DMD: variants seen among roughly 807,000 people sequenced by gnomAD.
DMD encodes the protein dystrophin.
A neutral mutation model predicts 330.1 loss-of-function variants in DMD; 63 were observed. The observed-to-expected ratio is 0.19, with a 90% CI of 0.16 to 0.24. The LOEUF (loss-of-function observed/expected upper bound fraction) is 0.24, where lower values mean the gene tolerates loss of function less well. DMD is among the 10% of genes least tolerant of loss of function. The pLI, the probability that DMD is intolerant of heterozygous loss-of-function variation, is 1.00. For synonymous variants in DMD, 1,223 were observed against 959.8 expected, an observed-to-expected ratio of 1.27 and a Z score of -5.07; for missense variants, 3,344 against 2,684.1, an observed-to-expected ratio of 1.25 and a Z score of -5.43.
chrX:33,154,820 C>T (rs1225803328), intron 1 of DMD, among the ~76,000 whole-genome samples: 2 of 111,953 alleles, frequency 1.8e-5, no homozygotes, highest in Non-Finnish European at 3.8e-5. Flanking sequence ...ATCCAATTGT[C>T]ATTTCTAAGA....
chrX:33,303,729 G>T (rs1431864271), intron 1 of DMD, among the ~76,000 whole-genome samples: 1 of 111,262 alleles, frequency 9.0e-6, no homozygotes, highest in African/African-American at 3.3e-5. Flanking sequence ...CCTTGCTGCC[G>T]CCATGTGATG....
chrX:33,160,736 G>A (rs2048730855), intron 1 of DMD, among the ~76,000 whole-genome samples: 2 of 111,483 alleles, frequency 1.8e-5, no homozygotes, highest in Non-Finnish European at 3.8e-5. Context: ...AAAGGGTGTT[G>A]AGTAGATATC....
intron 7 of DMD, among the ~76,000 whole-genome samples, chrX:32,766,082 G>A (rs1031955664): frequency 3.6e-5 from 4 of 111,254 alleles, no homozygotes; most frequent in African/African-American, 9.8e-5. Flanking sequence ...CAATACCACA[G>A]TGTTTTGATT....
rs1366319432 is a variant in DMD at position 32,245,176 on chromosome X, A to AT, written c.6291-28114dup. Among the ~76,000 whole-genome samples, 7 of 96,916 alleles carry AT rather than the reference A, an allele frequency of 7.2e-5. 1 individual carries two copies. The highest frequency in any genetic ancestry group is 1.4e-4 in the Non-Finnish European group (7 of 49,734). 84.2% of individuals were successfully genotyped at this position (96,916 alleles called of 115,157 possible). On this transcript the variant is annotated intron_variant, in intron 43 of 78. Coordinates refer to ENST00000357033, the MANE Select transcript of DMD (RefSeq NM_004006.3). ...AAGGGATCCAGTTTCAGCTTTCTACATATGGCTAGCCAGTCTTCCCAGCAC... is the reference window on the plus strand; with the variant it reads ...AAGGGATCCAGTTTCAGCTTTCTACATTATGGCTAGCCAGTCTTCCCAGCAC...
Position 31,627,405 on chromosome X carries a change from T to A in DMD, c.8217+268A>T, listed in dbSNP as rs187440299. 2.2e-4 allele frequency among the ~76,000 whole-genome samples: 25 copies of A among 112,451 alleles called. No individual in the cohort carries two copies. The East Asian group carries it at 6.7e-3, about 30-fold the overall frequency. On this transcript the variant is annotated intron_variant, in intron 55 of 78. Transcript: ENST00000357033. ...CCCTAAGTTATTTCTCTGAGCAAAG[T>A]TTCTCCTTGACCGAAGCTCTGGTTT...
intron 55 of DMD, among the ~76,000 whole-genome samples, chrX:31,620,411 A>G (rs767989164): frequency 2.3e-3 from 247 of 105,994 alleles, no homozygotes; most frequent in Non-Finnish European, 3.8e-3. Context: ...TTTCCATGAC[A>G]TAATTTTTTT....
chrX:32,614,767 T>A (rs1602172414), intron 11 of DMD, among the ~76,000 whole-genome samples: 2 of 111,585 alleles, frequency 1.8e-5, no homozygotes, highest in African/African-American at 3.2e-5. Context: ...GTTTACATTC[T>A]CATTATTTAG....
intron 9 of DMD, among the ~76,000 whole-genome samples, chrX:32,678,381 C>A (rs1016048601): frequency 1.3e-4 from 14 of 111,474 alleles, no homozygotes; most frequent in Non-Finnish European, 3.8e-5. Flanking sequence ...CTAAAATATC[C>A]AAATAGACAA....
intron 9 of DMD, among the ~76,000 whole-genome samples, chrX:32,657,694 G>A (rs1166950022): frequency 8.9e-6 from 1 of 112,144 alleles, no homozygotes; most frequent in Non-Finnish European, 1.9e-5. Context: ...ATTCATATGA[G>A]TTGGTAATTG....
At chrX:32,083,313 C>T (rs1017258323) in intron 44 of DMD, among the ~76,000 whole-genome samples, 12 of 107,915 alleles carry the variant, frequency 1.1e-4, no homozygotes, top group African/African-American at 1.7e-4. Context: ...CTGGCTCTGT[C>T]GCCCAGGCTG....
intron 44 of DMD, among the ~76,000 whole-genome samples, chrX:32,047,190 T>A (rs1468434703): frequency 1.8e-5 from 2 of 111,676 alleles, no homozygotes; most frequent in Non-Finnish European, 3.8e-5. Flanking sequence ...AAATACTTCT[T>A]ATTTTAATAT....
chrX:31,444,323 A>C (rs1231123678), intron 60 of DMD, among the ~76,000 whole-genome samples, 158 bp downstream of exon 60: 1 of 112,004 alleles, frequency 8.9e-6, no homozygotes, highest in Non-Finnish European at 1.9e-5. Flanking sequence ...TAATTTGAAA[A>C]TGTTTAGATG....
chrX:32,804,412 C>T (rs942652261), intron 7 of DMD, among the ~76,000 whole-genome samples: 8 of 112,606 alleles, frequency 7.1e-5, no homozygotes, highest in African/African-American at 2.6e-4. Context: ...TGTAGCCAGA[C>T]TGCCTCTCTA....
chrX:31,362,433 G>A (rs751435082), intron 60 of DMD, among the ~76,000 whole-genome samples: 12 of 112,151 alleles, frequency 1.1e-4, no homozygotes, highest in Non-Finnish European at 2.1e-4. Context: ...CAGGGTATGT[G>A]TATAAGGTAT....
Position 32,364,666 on chromosome X carries a change from G to A in DMD, c.5070C>T (p.His1690=), listed in dbSNP as rs780080912. The A allele has an allele frequency of 8.3e-7, 1 of 1,207,478 alleles. No homozygotes were observed. The highest frequency in any genetic ancestry group is 3.0e-5 in the East Asian group (1 of 33,658). Residue 1690 remains histidine, a synonymous_variant, in exon 36 of 79, where the codon CAC becomes CAT. Coordinates refer to ENST00000357033, the MANE Select transcript of DMD (RefSeq NM_004006.3). ...CAGCCTGAATGATCCACTTTGTGAT[G>A]TGGTCCACATTCTGGTCAAAAGTTT... is the stretch of plus-strand genomic sequence containing the variant. ...HMETFDQNVD[H]ITKWIIQADT...
intron 43 of DMD, among the ~76,000 whole-genome samples, chrX:32,283,164 T>G (rs1300662776): frequency 1.8e-5 from 2 of 111,350 alleles, no homozygotes; most frequent in Admixed American, 1.9e-4. Flanking sequence ...TAATCCAACA[T>G]GCATCATGGA....
chrX:32,211,189 T>C (rs1038591302), intron 44 of DMD, among the ~76,000 whole-genome samples: 3 of 112,072 alleles, frequency 2.7e-5, no homozygotes, highest in African/African-American at 9.7e-5. Context: ...CACCATGCTA[T>C]AACTACATGC....
intron 2 of DMD, among the ~76,000 whole-genome samples, chrX:32,986,020 T>C (rs948219295): frequency 9.0e-6 from 1 of 111,694 alleles, no homozygotes; most frequent in African/African-American, 3.3e-5. Context: ...AGTATTATAC[T>C]TATTACTTTT....
At chrX:32,438,953 C>T (rs1185733292) in intron 28 of DMD, among the ~76,000 whole-genome samples, 1 of 111,349 alleles carries the variant, frequency 9.0e-6, no homozygotes, top group Non-Finnish European at 1.9e-5. Flanking sequence ...CTATTCTTTT[C>T]GTGGTGAGAA....
Sources: allele counts gnomAD v4.1 joint callset (sites outside exome capture counted in the v4.1 genomes callset), GRCh38; gene constraint gnomAD v4.1.1; transcripts MANE v1.5; gene names NCBI Gene and HGNC (gene_info 2026-07-23, HGNC 2026-07-21).